Variants in FHIT observed in about 807,000 individuals in gnomAD.
FHIT encodes bis(5'-adenosyl)-triphosphatase.
FHIT carries 19 observed loss-of-function variants against 17.9 expected under a neutral mutation model. The observed-to-expected ratio is 1.06, with a 90% CI of 0.74 to 1.56. FHIT has a LOEUF of 1.56. FHIT is among the 40% of genes most tolerant of loss of function. FHIT has a pLI of 0.00. For missense variants in FHIT, 248 were observed against 189.2 expected (o/e 1.31, Z -1.82); for synonymous variants, 81 against 69.7 (o/e 1.16, Z -0.81).
intron 2 of FHIT, among the ~76,000 whole-genome samples, chr3:61,048,253 C>A (rs1332004992): frequency 6.6e-6 from 1 of 152,140 alleles, no homozygotes; most frequent in Non-Finnish European, 1.5e-5. Context: ...ATCCAGAAAT[C>A]TTCCAAGAAC....
At chr3:60,658,980 AT>A (rs1360843695) in intron 4 of FHIT, among the ~76,000 whole-genome samples, 1 of 146,598 alleles carries the variant, frequency 6.8e-6, no homozygotes, top group Non-Finnish European at 1.5e-5. Flanking sequence ...TTTTTTTAAT[AT>A]GAGAATGCCT....
At chr3:60,628,428 CTGATA>C (rs1317390238) in intron 4 of FHIT, among the ~76,000 whole-genome samples, 3 of 152,202 alleles carry the variant, frequency 2.0e-5, no homozygotes, top group African/African-American at 7.2e-5. Context: ...ATCTCTTTCT[CTGATA>C]TTTCTGTTGT....
intron 5 of FHIT, among the ~76,000 whole-genome samples, chr3:60,140,155 A>G (rs1300669138): frequency 1.3e-5 from 2 of 152,072 alleles, no homozygotes; most frequent in African/African-American, 2.4e-5. Context: ...TAGATTACAG[A>G]TTGATAATTG....
chr3:60,614,509 C>A (rs1229179351), intron 4 of FHIT, among the ~76,000 whole-genome samples: 1 of 152,062 alleles, frequency 6.6e-6, no homozygotes, highest in African/African-American at 2.4e-5. Context: ...AAGCCTAAGT[C>A]AGGAGAATTG....
At chr3:60,561,747 AGAC>A (rs1170095050) in intron 4 of FHIT, among the ~76,000 whole-genome samples, 1 of 152,214 alleles carries the variant, frequency 6.6e-6, no homozygotes, top group Non-Finnish European at 1.5e-5. Flanking sequence ...ATGTGTCAGT[AGAC>A]AACAGCTTCC....
chr3:61,150,217 G>A (rs1205558196), intron 2 of FHIT, among the ~76,000 whole-genome samples: 2 of 152,168 alleles, frequency 1.3e-5, no homozygotes, highest in African/African-American at 4.8e-5. Context: ...TAAATGTGAA[G>A]GAAGATACAG....
At chr3:59,803,332 C>T (rs12634148) in intron 8 of FHIT, among the ~76,000 whole-genome samples, 65,222 of 152,022 alleles carry the variant, frequency 0.43, 17,017 homozygotes, top group Admixed American at 0.56. Context: ...TACAGGCGAG[C>T]ACGGGGCCAG....
intron 5 of FHIT, among the ~76,000 whole-genome samples, chr3:60,103,499 C>T (rs1338541128): frequency 6.6e-6 from 1 of 152,118 alleles, no homozygotes; most frequent in Admixed American, 6.6e-5. Context: ...AGGGATCTGG[C>T]TAGGGAAAAT....
chr3:60,077,729 C>CACACACACATATAT (rs1559611496), intron 5 of FHIT, among the ~76,000 whole-genome samples: 7 of 67,186 alleles, frequency 1.0e-4, no homozygotes, highest in African/African-American at 3.4e-4. Flanking sequence ...CACACACACA[C>CACACACACATATAT]ATATATAGAG....
rs5012715 is a variant in FHIT at position 60,912,054 on chromosome 3, T to C, written c.-110-90043A>G. On this transcript the variant is annotated intron_variant, in intron 3 of 9. Transcript: ENST00000492590. ...CCTCTGCCTTACACACACACACACA[T>C]ACACACACACACACACACGTACACA... is the stretch of plus-strand genomic sequence containing the variant. 3.9e-4 allele frequency among the ~76,000 whole-genome samples: 59 copies of C among 150,274 alleles called. 1 individual carries two copies. Among genetic ancestry groups the C allele is most frequent in the Admixed American group, 2.1e-3 (32 of 15,028 alleles).
chr3:61,165,463 T>C (rs1249811573), intron 2 of FHIT: 1 of 152,386 alleles, frequency 6.6e-6, no homozygotes, highest in Non-Finnish European at 1.5e-5. Flanking sequence ...GTTCATATCT[T>C]TTGCCCATCT....
At chr3:61,082,440 A>G (rs772819403) in intron 2 of FHIT, among the ~76,000 whole-genome samples, 2 of 152,180 alleles carry the variant, frequency 1.3e-5, no homozygotes, top group African/African-American at 2.4e-5. Flanking sequence ...TAAATATTTC[A>G]TTATGTGAAT....
chr3:60,365,065 C>G (rs1700052511), intron 5 of FHIT, among the ~76,000 whole-genome samples: 1 of 149,310 alleles, frequency 6.7e-6, no homozygotes, highest in African/African-American at 2.5e-5. Flanking sequence ...TATATATATT[C>G]TATTGGTTCT....
chr3:61,005,880 T>G (rs111328868), intron 3 of FHIT, among the ~76,000 whole-genome samples: 81 of 152,142 alleles, frequency 5.3e-4, no homozygotes, highest in African/African-American at 1.8e-3. Flanking sequence ...AGTCTTCTTT[T>G]GAGGAAAGGA....
chr3:60,451,262 G>A (rs886529420), intron 5 of FHIT, among the ~76,000 whole-genome samples: 1 of 151,876 alleles, frequency 6.6e-6, no homozygotes, highest in African/African-American at 2.4e-5. Flanking sequence ...TTTGGGAAAC[G>A]TCCTAAGCCA....
chr3:61,228,178 T>TAA (rs2040015935), intron 1 of FHIT, among the ~76,000 whole-genome samples: 2 of 144,994 alleles, frequency 1.4e-5, no homozygotes, highest in African/African-American at 5.7e-5. Flanking sequence ...AAAAAATAAT[T>TAA]TAAAAAAAAA....
intron 2 of FHIT, among the ~76,000 whole-genome samples, chr3:61,143,522 G>A (rs1166182670): frequency 1.3e-5 from 2 of 152,086 alleles, no homozygotes; most frequent in African/African-American, 4.8e-5. Context: ...GACTAGCCTT[G>A]GTCTTGTCGT....
chr3:60,414,398 T>C (rs1220963806), intron 5 of FHIT, among the ~76,000 whole-genome samples: 1 of 152,136 alleles, frequency 6.6e-6, no homozygotes, highest in Non-Finnish European at 1.5e-5. Context: ...GCAGGGAAGC[T>C]CTAGATACCC....
intron 2 of FHIT, among the ~76,000 whole-genome samples, chr3:61,187,292 G>A (rs1019569167): frequency 2.6e-5 from 4 of 152,200 alleles, no homozygotes; most frequent in African/African-American, 4.8e-5. Flanking sequence ...AGCAGACACT[G>A]CTGAGGGCCT....
Sources: allele counts gnomAD v4.1 joint callset (sites outside exome capture counted in the v4.1 genomes callset), GRCh38; gene constraint gnomAD v4.1.1; transcripts MANE v1.5; gene names NCBI Gene and HGNC (gene_info 2026-07-23, HGNC 2026-07-21).